The following FRK variants were observed in gnomAD, a reference collection of about 807,000 sequenced individuals.
FRK encodes the protein tyrosine-protein kinase FRK.
In FRK, 51 loss-of-function variants were observed where a neutral mutation model predicts 56.4. The ratio of observed to expected loss-of-function variants is 0.90; its 90% CI spans 0.72 to 1.14. FRK has a LOEUF of 1.14. Among genes scored for constraint, FRK ranks in the 50% most tolerant of loss-of-function variants. The pLI is 0.00. For missense variants in FRK, 570 were observed against 601.4 expected, an observed-to-expected ratio of 0.95 and a Z score of 0.55; for synonymous variants, 245 against 217.9, an observed-to-expected ratio of 1.12 and a Z score of -1.10.
At chr6:116,086,055 G>C in the FRK span, among the ~76,000 whole-genome samples, 1 of 151,540 alleles carries the variant, frequency 6.6e-6, no homozygotes, top group African/African-American at 2.4e-5. Context: ...GCCCAGGCTG[G>C]AGTGCAGTGG....
chr6:115,971,583 G>C lies in FRK; in HGVS notation c.467-2844C>G, dbSNP rs550755322. Among the ~76,000 whole-genome samples the C allele has an allele frequency of 3.3e-5, 5 of 152,226 alleles. No homozygotes were observed. The East Asian group carries it at 9.7e-4, about 29-fold the overall frequency. ...GTGGTCTTTAATTTGTAGTCTGTGA[G>C]AATAACACTCCCCTGTCCCTAGATG... is the stretch of plus-strand genomic sequence containing the variant. On this transcript the variant is annotated intron_variant, in intron 2 of 7. Coordinates refer to ENST00000606080, the MANE Select transcript of FRK (RefSeq NM_002031.3).
In FRK at chr6:116,038,980, G is replaced by C. The variant is rs1163052765; in HGVS notation, c.344+20988C>G. ...AAAGTAACTAACGGGGCCTTTACTTGGGAGATCAGCCCTGGCATGATCAAA... is the reference window on the plus strand; with the variant it reads ...AAAGTAACTAACGGGGCCTTTACTTCGGAGATCAGCCCTGGCATGATCAAA... On this transcript the variant is annotated intron_variant, in intron 1 of 7. Coordinates refer to ENST00000606080, the MANE Select transcript of FRK (RefSeq NM_002031.3). 1.6e-5 allele frequency: 11 copies of C among 709,014 alleles called. No homozygotes were observed. The Admixed American group carries it at 1.9e-4, about 13-fold the overall frequency. The allele number at this position is 709,014 out of a possible 1,614,324, so 43.9% of individuals were successfully genotyped here.
At chr6:115,970,238 G>A (rs1261562303) in intron 2 of FRK, among the ~76,000 whole-genome samples, 1 of 152,066 alleles carries the variant, frequency 6.6e-6, no homozygotes, top group Non-Finnish European at 1.5e-5. Flanking sequence ...TGATGGAAGA[G>A]TAATTTTTAC....
chr6:116,099,841 TA>T, the FRK span, among the ~76,000 whole-genome samples: 1 of 152,242 alleles, frequency 6.6e-6, no homozygotes, highest in African/African-American at 2.4e-5. Flanking sequence ...ATTGTTCCTT[TA>T]AATTGAGAAC....
In FRK at chr6:115,942,066, A is replaced by G. The variant is rs1033409858; in HGVS notation, c.*348T>C. 6 of 234,862 alleles carry G rather than the reference A, an allele frequency of 2.6e-5. No individual in the cohort carries two copies. Among genetic ancestry groups the G allele is most frequent in the African/African-American group, 1.4e-4 (6 of 42,874 alleles). 14.5% of individuals were successfully genotyped at this position (234,862 alleles called of 1,614,324 possible). ...TCTAATCAGTAAACAGGAAAATGCT[A>G]CAACAGTCACTGAGTAAAAATTGGA... On this transcript the variant is annotated 3_prime_UTR_variant, in exon 8 of 8. Coordinates refer to ENST00000606080, the MANE Select transcript of FRK (RefSeq NM_002031.3).
At chr6:116,064,863 C>T (rs1318057225), upstream of FRK, among the ~76,000 whole-genome samples, 1 of 152,158 alleles carries the variant, frequency 6.6e-6, no homozygotes, top group African/African-American at 2.4e-5. Flanking sequence ...TTTCAACACC[C>T]CCTCCATTAT....
At chr6:116,064,997 A>C (rs531276820), upstream of FRK, among the ~76,000 whole-genome samples, 2 of 152,202 alleles carry the variant, frequency 1.3e-5, no homozygotes, top group South Asian at 4.1e-4. Context: ...TTCCCCTCCC[A>C]GTAAGTCTAC....
At chr6:116,073,526 C>T in the FRK span, among the ~76,000 whole-genome samples, 1 of 151,990 alleles carries the variant, frequency 6.6e-6, no homozygotes, top group African/African-American at 2.4e-5. Context: ...CAATATGTAA[C>T]AACAATAATA....
At chr6:116,055,408 A>C (rs1283502871) in intron 1 of FRK, among the ~76,000 whole-genome samples, 1 of 152,208 alleles carries the variant, frequency 6.6e-6, no homozygotes, top group East Asian at 1.9e-4. Flanking sequence ...TGAATAGATG[A>C]GGAATTGGAA....
the FRK span, chr6:116,100,702 A>G: frequency 3.0e-6 from 1 of 336,762 alleles, no homozygotes; most frequent in Non-Finnish European, 5.3e-6. Context: ...CGAGCTGACT[A>G]CCTGACTCCG....
chr6:116,004,050 A>G, intron 1 of FRK, 52 bp from the exon 2 acceptor site: 1 of 1,520,380 alleles, frequency 6.6e-7, no homozygotes, highest in Non-Finnish European at 9.0e-7. Context: ...TTCATTTTTT[A>G]AGGAGGAAAA....
Position 115,942,466 on chromosome 6 carries a change from T to A in FRK, c.1466A>T (p.Asp489Val), listed in dbSNP as rs1405689245. The A allele has an allele frequency of 1.2e-6, 2 of 1,613,752 alleles. No homozygotes were observed. Among genetic ancestry groups the A allele is most frequent in the Non-Finnish European group, 1.7e-6 (2 of 1,179,742 alleles). Reference protein sequence around the residue: ...TFETLRWKLEDYFETDSSYSD... With the variant: ...TFETLRWKLEVYFETDSSYSD... ...ATATGAAGAGTCTGTTTCAAAATAG[T>A]CTTCAAGTTTCCAACGCAGTGTCTC... Residue 489 changes from aspartate to valine, a missense_variant, in exon 8 of 8, where the codon GAC becomes GTC. By Grantham distance (152) the Asp-to-Val change is radical. Transcript: ENST00000606080.
At chr6:116,024,468 A>C (rs1173588340) in intron 1 of FRK, among the ~76,000 whole-genome samples, 1 of 135,348 alleles carries the variant, frequency 7.4e-6, no homozygotes, top group Non-Finnish European at 1.5e-5. Flanking sequence ...TCTTGTGTCC[A>C]TGTGTTCTCA....
chr6:116,073,012 G>A, the FRK span, among the ~76,000 whole-genome samples: 1 of 152,146 alleles, frequency 6.6e-6, no homozygotes, highest in Non-Finnish European at 1.5e-5. Flanking sequence ...TTATGTGTAT[G>A]TGTGACATTT....
rs1034770978 is a variant in FRK, at chr6:115,932,089, A to G, written c.*10325T>C. The G allele has an allele frequency of 6.6e-6, 1 of 152,220 alleles. No individual in the cohort carries two copies. The highest frequency in any genetic ancestry group is 2.4e-5 in the African/African-American group (1 of 41,460). 9.4% of individuals were successfully genotyped at this position (152,220 alleles called of 1,614,324 possible). ...TGGGCATCTCTTTTCTTGTAATTTA[A>G]TCTTATAACATCTCTGTAGATAGTG... On this transcript the variant is annotated 3_prime_UTR_variant, in exon 8 of 8. Transcript: ENST00000606080.
intron 2 of FRK, among the ~76,000 whole-genome samples, chr6:115,971,138 C>T (rs1204805519): frequency 6.6e-6 from 1 of 152,100 alleles, no homozygotes; most frequent in Non-Finnish European, 1.5e-5. Context: ...CAGTGTTTTG[C>T]TTCTCTTTAT....
chr6:116,002,625 A>G, intron 2 of FRK: 1 of 440,866 alleles, frequency 2.3e-6, no homozygotes, highest in East Asian at 7.2e-5. Context: ...AAAAATGGTA[A>G]TTGACACATC....
intron 5 of FRK, 33 bp downstream of exon 5, chr6:115,956,419 T>G: frequency 2.1e-6 from 3 of 1,461,682 alleles, no homozygotes; most frequent in Non-Finnish European, 1.8e-6. Flanking sequence ...ATTAAATTCC[T>G]CTTTTTTTCC....
chr6:116,021,406 G>T (rs1775868429), intron 1 of FRK, among the ~76,000 whole-genome samples: 1 of 152,038 alleles, frequency 6.6e-6, no homozygotes, highest in Non-Finnish European at 1.5e-5. Flanking sequence ...GTCAAATGGT[G>T]CAGACAAAAT....
Sources: gnomAD v4.1 joint callset for allele counts (sites outside exome capture counted in the v4.1 genomes callset) on GRCh38, gnomAD v4.1.1 for gene constraint, MANE v1.5 for transcripts, NCBI Gene and HGNC (gene_info 2026-07-23, HGNC 2026-07-21) for gene names.